The following CD247 variants were observed in gnomAD, a reference collection of about 807,000 sequenced individuals.
CD247 encodes the protein T-cell surface glycoprotein CD3 zeta chain.
In CD247, 13 loss-of-function variants were observed where a neutral mutation model predicts 30.0. The ratio of observed to expected loss-of-function variants is 0.43; its 90% CI spans 0.28 to 0.69. The LOEUF is 0.69. Ranked by LOEUF, CD247 falls within the 30% of genes least tolerant of loss-of-function variation. The pLI is 0.16. For synonymous variants in CD247, 72 were observed against 80.0 expected (o/e 0.90, Z 0.53); for missense variants, 193 against 212.6 (o/e 0.91, Z 0.57).
intron 5 of CD247, 182 bp from the exon 6 acceptor site, chr1:167,434,258 A>AC (rs1460250046): frequency 7.6e-6 from 5 of 658,078 alleles, no homozygotes; most frequent in East Asian, 5.5e-5. Flanking sequence ...GCTCCAGCCC[A>AC]CCCCCCTCAT....
chr1:167,430,860 C>T lies in CD247; in HGVS notation c.*821G>A. 2 of 398,826 alleles carry T rather than the reference C, an allele frequency of 5.0e-6. No homozygotes were observed. Among genetic ancestry groups the T allele is most frequent in the Non-Finnish European group, 4.4e-6 (1 of 226,212 alleles). The allele number at this position is 398,826 out of a possible 1,614,324, so 24.7% of individuals were successfully genotyped here. A position where few individuals can be genotyped will look rare whatever the true frequency, so the allele number is the denominator to read the frequency against. On this transcript the variant is annotated 3_prime_UTR_variant, in exon 8 of 8. Coordinates refer to ENST00000362089, the MANE Select transcript of CD247 (RefSeq NM_198053.3). ...CATGTGTTGGGTCTTCCTGCGAGGC[C>T]TTCACAAAGATGATTTTGTCATTCG... is the stretch of plus-strand genomic sequence containing the variant.
At chr1:167,479,330 G>A (rs1446483312) in intron 1 of CD247, among the ~76,000 whole-genome samples, 1 of 152,214 alleles carries the variant, frequency 6.6e-6, no homozygotes, top group Non-Finnish European at 1.5e-5. Flanking sequence ...TGAAAACGGG[G>A]AGGAGTGGGA....
chr1:167,440,762 G>A lies in CD247; in HGVS notation c.64C>T (p.Gln22Ter). The A allele has an allele frequency of 6.2e-7, 1 of 1,609,514 alleles. No individual in the cohort carries two copies. The highest frequency in any genetic ancestry group is 8.5e-7 in the Non-Finnish European group (1 of 1,176,582). The change falls in exon 2 of 8, where the codon CAG becomes TAG. Residue 22 changes from glutamine to a stop codon, truncating the protein, a stop_gained. Coordinates refer to ENST00000362089, the MANE Select transcript of CD247 (RefSeq NM_198053.3). LOFTEE classifies it high-confidence loss of function. ...TTGGGATCCAGCAGGCCAAAGCTCTGTGCCTCTGTGCCAAGAGATAAAGCT... is the reference window on the plus strand; with the variant it reads ...TTGGGATCCAGCAGGCCAAAGCTCTATGCCTCTGTGCCAAGAGATAAAGCT... ...LQAQLPITEA[Q>*]SFGLLDPKLC... is the part of the protein sequence containing the mutation.
intron 1 of CD247, among the ~76,000 whole-genome samples, chr1:167,514,263 A>G (rs1171788905): frequency 1.3e-5 from 2 of 152,112 alleles, no homozygotes; most frequent in Admixed American, 1.3e-4. Context: ...CAGCCTCCCA[A>G]GTAGTTGGGA....
chr1:167,485,670 G>A (rs114709460), intron 1 of CD247, among the ~76,000 whole-genome samples: 2,330 of 152,222 alleles, frequency 0.015, 26 homozygotes, highest in Admixed American at 0.021. Context: ...TGGCTTACTA[G>A]GTGGTTAACG....
chr1:167,433,868 T>G, intron 6 of CD247, 152 bp downstream of exon 6: 2 of 779,072 alleles, frequency 2.6e-6, no homozygotes, highest in Non-Finnish European at 4.7e-6. Flanking sequence ...TCTGCCCGGC[T>G]GGGTGACAGC....
chr1:167,471,277 C>G (rs1241124733), intron 1 of CD247, among the ~76,000 whole-genome samples: 1 of 152,172 alleles, frequency 6.6e-6, no homozygotes, highest in East Asian at 1.9e-4. Context: ...AAAATTGGCT[C>G]TATCTTTCTG....
intron 1 of CD247, among the ~76,000 whole-genome samples, chr1:167,497,581 T>C (rs1420323988): frequency 6.6e-6 from 1 of 152,178 alleles, no homozygotes; most frequent in Non-Finnish European, 1.5e-5. Flanking sequence ...GTAAAGGTTG[T>C]AAATGTTGTT....
chr1:167,449,159 T>TTC (rs1652240391), intron 1 of CD247, among the ~76,000 whole-genome samples: 1 of 139,048 alleles, frequency 7.2e-6, no homozygotes, highest in Non-Finnish European at 1.6e-5. Context: ...CTTTTTTTTT[T>TTC]TTTTTTTTTT....
chr1:167,446,675 T>C (rs1652095212), intron 1 of CD247, among the ~76,000 whole-genome samples: 1 of 152,176 alleles, frequency 6.6e-6, no homozygotes, highest in Non-Finnish European at 1.5e-5. Flanking sequence ...GGATACCCAC[T>C]CTTCAGGGGT....
In CD247 at chr1:167,446,734, C is replaced by G. The variant is rs1035739745; in HGVS notation, c.59-5967G>C. Among the ~76,000 whole-genome samples the G allele has an allele frequency of 3.3e-5, 5 of 152,326 alleles. No individual in the cohort carries two copies. In the East Asian group the frequency reaches 9.6e-4, roughly 29 times the overall value. On this transcript the variant is annotated intron_variant, in intron 1 of 7. Transcript: ENST00000362089. ...GGGGGCCAGGCGCGGTGGCTCACGC[C>G]TATAATCCCAGCACTTTGGGAGGCC... is the stretch of plus-strand genomic sequence containing the variant.
At chr1:167,432,148 C>T (rs1215530662) in intron 7 of CD247, among the ~76,000 whole-genome samples, 2 of 152,232 alleles carry the variant, frequency 1.3e-5, no homozygotes, top group African/African-American at 2.4e-5. Context: ...CTGTCCCTGA[C>T]ACCTGGGCCC....
chr1:167,486,313 C>A (rs1209214248), intron 1 of CD247, among the ~76,000 whole-genome samples: 1 of 152,184 alleles, frequency 6.6e-6, no homozygotes, highest in African/African-American at 2.4e-5. Context: ...GGGAAAGTGC[C>A]CTGGCCTCGG....
intron 1 of CD247, among the ~76,000 whole-genome samples, chr1:167,469,856 C>G (rs1022976087): frequency 2.6e-5 from 4 of 152,128 alleles, no homozygotes; most frequent in Non-Finnish European, 5.9e-5. Flanking sequence ...GACCTCTTCT[C>G]TAATCTTACA....
intron 1 of CD247, among the ~76,000 whole-genome samples, chr1:167,505,760 A>G (rs1160623853): frequency 1.3e-5 from 2 of 152,202 alleles, no homozygotes; most frequent in African/African-American, 4.8e-5. Flanking sequence ...GGGTTTCCTC[A>G]CTGTGGGGAT....
At chr1:167,518,196 A>T (rs373843906) in intron 1 of CD247, among the ~76,000 whole-genome samples, 4 of 152,104 alleles carry the variant, frequency 2.6e-5, no homozygotes, top group Admixed American at 6.5e-5. Context: ...GTATTCTAGC[A>T]GCTGGCTCTG....
At chr1:167,441,802 C>T (rs182436807) in intron 1 of CD247, among the ~76,000 whole-genome samples, 1 of 152,330 alleles carries the variant, frequency 6.6e-6, no homozygotes, top group East Asian at 1.9e-4. Flanking sequence ...ACTAAATACT[C>T]TGGTTAAATA....
intron 1 of CD247, among the ~76,000 whole-genome samples, chr1:167,486,424 A>T (rs1654211381): frequency 7.9e-5 from 12 of 152,230 alleles, no homozygotes; most frequent in Admixed American, 6.5e-4. Flanking sequence ...TGTTGTGAAG[A>T]TCAGCTGAGA....
chr1:167,470,762 C>T (rs1169109796), intron 1 of CD247, among the ~76,000 whole-genome samples: 1 of 151,696 alleles, frequency 6.6e-6, no homozygotes, highest in Non-Finnish European at 1.5e-5. Context: ...ATTTACTCAG[C>T]TATGCCCTTA....
Sources: allele counts gnomAD v4.1 joint callset (sites outside exome capture counted in the v4.1 genomes callset), GRCh38; gene constraint gnomAD v4.1.1; transcripts MANE v1.5; gene names NCBI Gene and HGNC (gene_info 2026-07-23, HGNC 2026-07-21).